Variants in FNDC3A observed in about 807,000 individuals in gnomAD.
The protein encoded by FNDC3A is fibronectin type III domain containing 3A, also known as fibronectin type-III domain-containing protein 3A.
In FNDC3A, 32 loss-of-function variants were observed where a neutral mutation model predicts 148.9. The ratio of observed to expected loss-of-function variants is 0.21; its 90% confidence interval spans 0.16 to 0.29. FNDC3A has a LOEUF of 0.29. Ranked by LOEUF, FNDC3A falls within the 10% of genes least tolerant of loss-of-function variation. The probability of loss-of-function intolerance (pLI) is 1.00; values close to 1 mark genes in which losing one functional copy is unlikely to be tolerated. For synonymous variants in FNDC3A, 472 were observed against 473.6 expected, an observed-to-expected ratio of 1.00 and a Z score of 0.04; for missense variants, 1,191 against 1,452.8, an observed-to-expected ratio of 0.82 and a Z score of 2.93.
In FNDC3A at chr13:49,207,570, A is replaced by G; in HGVS notation, c.*175A>G. 1 of 421,722 alleles carries G rather than the reference A, an allele frequency of 2.4e-6. No individual in the cohort carries two copies. The highest frequency in any genetic ancestry group is 4.2e-6 in the Non-Finnish European group (1 of 238,358). 26.1% of individuals were successfully genotyped at this position (421,722 alleles called of 1,614,324 possible). ...TAGGTAGAGGCTGGCACTTTATTAG[A>G]ATGCAAGCCACAAAAATATCAATTT... is the stretch of plus-strand genomic sequence containing the variant. On this transcript the variant is annotated 3_prime_UTR_variant, in exon 26 of 26. Transcript: ENST00000492622.
chr13:49,060,643 CAAAAAAAAAAAAAA>C (rs35534890), intron 2 of FNDC3A, among the ~76,000 whole-genome samples: 2 of 59,716 alleles, frequency 3.3e-5, no homozygotes, highest in East Asian at 4.9e-4. Context: ...GACTCGGTCT[CAAAAAAAAAAAAAA>C]AAAAAAAAAA....
At chr13:49,067,175 T>TA (rs1462154693) in intron 2 of FNDC3A, among the ~76,000 whole-genome samples, 1 of 152,166 alleles carries the variant, frequency 6.6e-6, no homozygotes, top group African/African-American at 2.4e-5. Context: ...TTTTTAGTTT[T>TA]AAAAAAAATT....
intron 8 of FNDC3A, among the ~76,000 whole-genome samples, chr13:49,147,568 G>A (rs925349366): frequency 6.0e-5 from 9 of 151,212 alleles, no homozygotes; most frequent in African/African-American, 1.2e-4. Context: ...GCTGGTTTGC[G>A]GCTACATACC....
At chr13:49,191,886 T>C (rs948164825) in intron 19 of FNDC3A, among the ~76,000 whole-genome samples, 10 of 152,224 alleles carry the variant, frequency 6.6e-5, no homozygotes, top group Admixed American at 5.2e-4. Context: ...ATATTATCTA[T>C]GTATTTAATA....
rs755223116 is a variant in FNDC3A, at chr13:49,191,054, C to G, written c.1984C>G (p.Pro662Ala). Residue 662 changes from proline to alanine, a missense_variant, in exon 18 of 26, where the codon CCT becomes GCT. By Grantham distance (27) the Pro-to-Ala change is conservative. Transcript: ENST00000492622. Reference protein sequence around the residue: ...SLLVQTPAVPPGPCLPPRLQG... With the variant: ...SLLVQTPAVPAGPCLPPRLQG... ...ACTTGTGCAGACTCCAGCTGTGCCT[C>G]CTGGCCCATGCCTCCCTCCCAGATT... 1 of 1,613,954 alleles carries G rather than the reference C, an allele frequency of 6.2e-7. No homozygotes were observed. The highest frequency in any genetic ancestry group is 8.5e-7 in the Non-Finnish European group (1 of 1,179,986).
At position 49,209,453 on chromosome 13, in the gene FNDC3A, C is replaced by T. The variant is rs1038582822; in HGVS notation, c.*2058C>T. The T allele has an allele frequency of 6.6e-6, 1 of 152,558 alleles. No individual in the cohort carries two copies. Among genetic ancestry groups the T allele is most frequent in the African/African-American group, 2.4e-5 (1 of 41,432 alleles). The allele number at this position is 152,558 out of a possible 1,614,324, so 9.5% of individuals were successfully genotyped here. A position where few individuals can be genotyped will look rare whatever the true frequency, so the allele number is the denominator to read the frequency against. ...AAACTTTTTAAAGATTATAGATACA[C>T]TACCAAACATATCACCTTAAAATTG... On this transcript the variant is annotated 3_prime_UTR_variant, in exon 26 of 26. Transcript: ENST00000492622.
At chr13:49,017,718 A>G (rs1872919285) in intron 2 of FNDC3A, among the ~76,000 whole-genome samples, 1 of 151,978 alleles carries the variant, frequency 6.6e-6, no homozygotes, top group Non-Finnish European at 1.5e-5. Flanking sequence ...ACATTTTGGC[A>G]TGATTTTGCA....
chr13:49,052,603 A>T (rs1295648264), intron 2 of FNDC3A, among the ~76,000 whole-genome samples: 1 of 152,104 alleles, frequency 6.6e-6, no homozygotes, highest in Non-Finnish European at 1.5e-5. Flanking sequence ...GACTCTGTGA[A>T]GGTCTTTGGT....
At chr13:49,170,389 C>G (rs1884693961) in intron 10 of FNDC3A, among the ~76,000 whole-genome samples, 1 of 152,104 alleles carries the variant, frequency 6.6e-6, no homozygotes, top group Non-Finnish European at 1.5e-5. Flanking sequence ...TCTTTTGACT[C>G]TGCTACCTCA....
intron 9 of FNDC3A, 54 bp from the exon 10 acceptor site, chr13:49,168,559 G>C: frequency 7.1e-7 from 1 of 1,406,282 alleles, no homozygotes. Context: ...TGACACTATT[G>C]AAAACAGGAT....
At chr13:49,036,286 A>G (rs1874485317) in intron 2 of FNDC3A, among the ~76,000 whole-genome samples, 7 of 152,170 alleles carry the variant, frequency 4.6e-5, no homozygotes, top group Admixed American at 3.3e-4. Context: ...GCCATTAACC[A>G]CATGTGACTA....
chr13:49,120,866 A>G (rs2137895431), intron 4 of FNDC3A, among the ~76,000 whole-genome samples: 1 of 152,294 alleles, frequency 6.6e-6, no homozygotes, highest in South Asian at 2.1e-4. Context: ...AGACCTACAA[A>G]CAGACTTAGA....
chr13:49,144,545 A>C (rs1882882549), intron 7 of FNDC3A, among the ~76,000 whole-genome samples: 1 of 152,214 alleles, frequency 6.6e-6, no homozygotes, highest in Admixed American at 6.5e-5. Flanking sequence ...ATTTTAAAGC[A>C]AGCTTTTATA....
At chr13:49,180,247 CTTAT>C (rs747737850) in intron 14 of FNDC3A, among the ~76,000 whole-genome samples, 1 of 152,222 alleles carries the variant, frequency 6.6e-6, no homozygotes, top group South Asian at 2.1e-4. Flanking sequence ...CCTGCCAGTG[CTTAT>C]TTAATCAAAC....
chr13:49,083,306 G>A (rs975128732), intron 3 of FNDC3A, among the ~76,000 whole-genome samples: 5 of 152,094 alleles, frequency 3.3e-5, no homozygotes, highest in African/African-American at 1.2e-4. Context: ...AAATGACAGC[G>A]TCCACTGCAG....
chr13:49,201,327 C>A (rs541036260), intron 23 of FNDC3A: 2 of 160,644 alleles, frequency 1.2e-5, no homozygotes, highest in South Asian at 3.4e-4. Context: ...ATTGAGAATT[C>A]TCTTTTTTCC....
At chr13:49,129,928 A>G (rs1881929697) in intron 4 of FNDC3A, among the ~76,000 whole-genome samples, 1 of 152,226 alleles carries the variant, frequency 6.6e-6, no homozygotes. Context: ...ATCCTTAAGC[A>G]TAATAAACCT....
At chr13:49,135,850 CTTTTGGCTAACTTTT>C (rs1882324480) in intron 5 of FNDC3A, among the ~76,000 whole-genome samples, 1 of 152,024 alleles carries the variant, frequency 6.6e-6, no homozygotes, top group Non-Finnish European at 1.5e-5. Context: ...TAAATCATTT[CTTTTGGCTAACTTTT>C]TTTCAGTGAT....
chr13:49,145,181 C>G (rs1882922648), intron 7 of FNDC3A, among the ~76,000 whole-genome samples: 2 of 152,114 alleles, frequency 1.3e-5, no homozygotes, highest in South Asian at 2.1e-4. Flanking sequence ...TAATGATTCA[C>G]TAGTTGCTAT....
Sources: allele counts gnomAD v4.1 joint callset (sites outside exome capture counted in the v4.1 genomes callset), GRCh38; gene constraint gnomAD v4.1.1; transcripts MANE v1.5; gene names NCBI Gene and HGNC (gene_info 2026-07-23, HGNC 2026-07-21).